Variants in CTNNA3 observed in about 807,000 individuals in gnomAD.
The protein encoded by CTNNA3 is catenin alpha 3.
In CTNNA3, 76 loss-of-function variants were observed where a neutral mutation model predicts 95.7. The observed-to-expected ratio is 0.79, with a 90% CI of 0.66 to 0.96. The LOEUF (loss-of-function observed/expected upper bound fraction) is 0.96. Among genes scored for constraint, CTNNA3 ranks in the 40% least tolerant of loss-of-function variants. CTNNA3 has a pLI of 0.00. For missense variants in CTNNA3, 1,191 were observed against 1,089.8 expected, an observed-to-expected ratio of 1.09 and a Z score of -1.31; for synonymous variants, 431 against 374.4, an observed-to-expected ratio of 1.15 and a Z score of -1.74.
intron 7 of CTNNA3, among the ~76,000 whole-genome samples, chr10:66,898,296 G>A (rs2132515573): frequency 6.6e-6 from 1 of 152,174 alleles, no homozygotes; most frequent in African/African-American, 2.4e-5. Context: ...ACATAATATA[G>A]TAAGGTTGTT....
chr10:66,969,867 G>T (rs1849624323), intron 7 of CTNNA3, among the ~76,000 whole-genome samples: 1 of 152,104 alleles, frequency 6.6e-6, no homozygotes, highest in African/African-American at 2.4e-5. Flanking sequence ...ACAACATGGA[G>T]AGTATCTGTA....
chr10:67,697,042 G>A, upstream of CTNNA3, among the ~76,000 whole-genome samples: 1 of 152,186 alleles, frequency 6.6e-6, no homozygotes, highest in East Asian at 1.9e-4. Context: ...TGGCTCTCCA[G>A]ATACTCTTAG....
intron 10 of CTNNA3, among the ~76,000 whole-genome samples, chr10:66,566,898 CAAAG>C (rs1259313689): frequency 6.8e-6 from 1 of 147,992 alleles, no homozygotes. Flanking sequence ...TTGTAAAACA[CAAAG>C]AGAGGGAGAG....
chr10:67,039,324 T>TA (rs1234092850), intron 7 of CTNNA3, among the ~76,000 whole-genome samples: 1 of 152,124 alleles, frequency 6.6e-6, no homozygotes, highest in Non-Finnish European at 1.5e-5. Flanking sequence ...ACATAAATGC[T>TA]AAAATAAGTT....
chr10:67,040,252 C>T (rs954768349), intron 7 of CTNNA3, among the ~76,000 whole-genome samples: 2 of 152,056 alleles, frequency 1.3e-5, no homozygotes, highest in African/African-American at 4.8e-5. Context: ...TACATGTGAT[C>T]CTAAGGGTTC....
intron 13 of CTNNA3, among the ~76,000 whole-genome samples, chr10:66,164,430 T>A (rs2085016388): frequency 1.3e-5 from 2 of 152,114 alleles, no homozygotes; most frequent in African/African-American, 4.8e-5. Flanking sequence ...AGTGTCCTGT[T>A]CTCCTGGCCA....
intron 11 of CTNNA3, among the ~76,000 whole-genome samples, chr10:66,481,595 C>T (rs1839535749): frequency 1.4e-5 from 2 of 145,814 alleles, no homozygotes; most frequent in Non-Finnish European, 3.0e-5. Context: ...CCTCAGCCTC[C>T]CGAGTAGCTG....
chr10:67,442,855 T>G (rs893541135), intron 5 of CTNNA3, among the ~76,000 whole-genome samples: 1 of 151,704 alleles, frequency 6.6e-6, no homozygotes, highest in Non-Finnish European at 1.5e-5. Context: ...GCAGGTTAGT[T>G]ACATATGTAT....
chr10:66,861,626 A>G (rs1843931807), intron 7 of CTNNA3, among the ~76,000 whole-genome samples: 1 of 152,192 alleles, frequency 6.6e-6, no homozygotes, highest in Admixed American at 6.5e-5. Flanking sequence ...TTATGTGATA[A>G]TCATACAACC....
At chr10:67,414,483 C>A (rs1339718785) in intron 5 of CTNNA3, among the ~76,000 whole-genome samples, 2 of 152,128 alleles carry the variant, frequency 1.3e-5, no homozygotes, top group Non-Finnish European at 2.9e-5. Context: ...AGTGAATTCA[C>A]ACCCCAATTC....
At chr10:66,942,612 G>A (rs1460035957) in intron 7 of CTNNA3, among the ~76,000 whole-genome samples, 1 of 151,670 alleles carries the variant, frequency 6.6e-6, no homozygotes, top group Non-Finnish European at 1.5e-5. Context: ...GTCTGCGTGT[G>A]TGTGCATGTG....
rs146064276 is a variant in CTNNA3 at position 66,682,183 on chromosome 10, T to A, written c.1282-60399A>T. On this transcript the variant is annotated intron_variant, in intron 9 of 17. Coordinates refer to ENST00000433211, the MANE Select transcript of CTNNA3 (RefSeq NM_013266.4). Reference sequence around the variant, plus strand: ...TATTTTCCCACTTGTGATATAAGACTTCGTGAAATGTGTAAAATCTAAGAG... The same window carrying A: ...TATTTTCCCACTTGTGATATAAGACATCGTGAAATGTGTAAAATCTAAGAG... 2.8e-3 allele frequency among the ~76,000 whole-genome samples: 430 copies of A among 152,246 alleles called. 5 individuals are homozygous for A. Among genetic ancestry groups the A allele is most frequent in the African/African-American group, 9.6e-3 (399 of 41,544 alleles).
chr10:67,044,752 G>T (rs935132395), intron 7 of CTNNA3, among the ~76,000 whole-genome samples: 2 of 152,028 alleles, frequency 1.3e-5, no homozygotes, highest in African/African-American at 4.8e-5. Context: ...TAGATATTTT[G>T]CTCAGCAAAA....
intron 11 of CTNNA3, among the ~76,000 whole-genome samples, chr10:66,461,313 G>A (rs1326673228): frequency 6.6e-6 from 1 of 152,070 alleles, no homozygotes; most frequent in Non-Finnish European, 1.5e-5. Context: ...ACTCCTCAGG[G>A]TAAAGAAGTT....
At chr10:66,264,211 G>A (rs568347596) in intron 13 of CTNNA3, among the ~76,000 whole-genome samples, 3 of 151,902 alleles carry the variant, frequency 2.0e-5, no homozygotes, top group Middle Eastern at 3.4e-3. Context: ...ACTTCTACCC[G>A]AAACAGATTC....
rs553158512 is a variant in CTNNA3 at position 66,431,594 on chromosome 10, T to C, written c.1532-52242A>G. Among the ~76,000 whole-genome samples, 1,378 of 151,868 alleles carry C rather than the reference T, an allele frequency of 9.1e-3. 12 individuals are homozygous for C. Among genetic ancestry groups the C allele is most frequent in the Middle Eastern group, 0.027 (8 of 294 alleles). On this transcript the variant is annotated intron_variant, in intron 11 of 17. Transcript: ENST00000433211. ...AAAAATGATGAGTTCATGTCCTTTGTAGGGACGTGGATGAAGCTGGAAACC... is the reference window on the plus strand; with the variant it reads ...AAAAATGATGAGTTCATGTCCTTTGCAGGGACGTGGATGAAGCTGGAAACC...
At chr10:66,516,521 C>T (rs956464758) in intron 11 of CTNNA3, among the ~76,000 whole-genome samples, 3 of 152,282 alleles carry the variant, frequency 2.0e-5, no homozygotes, top group Admixed American at 6.5e-5. Context: ...CTATGCATTT[C>T]GTACCAACTC....
intron 13 of CTNNA3, among the ~76,000 whole-genome samples, chr10:66,252,543 A>G (rs2090600468): frequency 1.3e-5 from 2 of 152,222 alleles, no homozygotes; most frequent in South Asian, 2.1e-4. Context: ...AGCACAAAAT[A>G]TGATAAACAT....
At chr10:66,734,960 T>G (rs1849085218) in intron 9 of CTNNA3, among the ~76,000 whole-genome samples, 1 of 151,902 alleles carries the variant, frequency 6.6e-6, no homozygotes, top group Non-Finnish European at 1.5e-5. Context: ...TTGCAAAAAG[T>G]TCTTATGAAT....
Sources: gnomAD v4.1 joint callset for allele counts (sites outside exome capture counted in the v4.1 genomes callset) on GRCh38, gnomAD v4.1.1 for gene constraint, MANE v1.5 for transcripts, NCBI Gene and HGNC (gene_info 2026-07-23, HGNC 2026-07-21) for gene names.